Variants in SCART1 observed in about 807,000 individuals in gnomAD.
The protein encoded by SCART1 is scavenger receptor family member expressed on T cells 1.
SCART1 carries 62 observed loss-of-function variants against 36.2 expected under a neutral mutation model. The observed-to-expected ratio is 1.71, with a 90% confidence interval of 1.40 to 2.12. SCART1 has a LOEUF of 2.12. Ranked by LOEUF, SCART1 falls within the 30% of genes most tolerant of loss-of-function variation. The pLI, the probability that SCART1 is intolerant of heterozygous loss-of-function variation, is 0.00. For missense variants in SCART1, 1,041 were observed against 540.5 expected (o/e 1.93, Z -9.18); for synonymous variants, 487 against 238.7 (o/e 2.04, Z -9.59).
At chr10:133,460,125 C>T (rs1850679796) in exon 6 of SCART1, 1 of 516,248 alleles carries the variant, frequency 1.9e-6, no homozygotes, top group Non-Finnish European at 3.4e-6. Flanking sequence ...GGGCTGGGGG[C>T]GGCACGACTG....
chr10:133,457,073 A>T, intron 2 of SCART1: 1 of 578,580 alleles, frequency 1.7e-6, no homozygotes, highest in South Asian at 2.3e-5. Flanking sequence ...CCTGCGGGGA[A>T]CCTTGTTTCA....
At chr10:133,454,986 AG>A (rs1850590367) in intron 1 of SCART1, among the ~76,000 whole-genome samples, 1 of 152,150 alleles carries the variant, frequency 6.6e-6, no homozygotes, top group Non-Finnish European at 1.5e-5. Context: ...AGCTATTCAT[AG>A]CGGGCGTGGT....
Position 133,454,070 on chromosome 10 carries a change from T to C in SCART1, c.67+6T>C, listed in dbSNP as rs1850579878. 1.4e-6 allele frequency: 1 copy of C among 702,704 alleles called. No individual in the cohort carries two copies. Among genetic ancestry groups the C allele is most frequent in the Non-Finnish European group, 2.6e-6 (1 of 384,976 alleles). 43.5% of individuals were successfully genotyped at this position (702,704 alleles called of 1,614,324 possible). ...TCTCTGGGCAGTCCCCATTGGTAAG[T>C]TTCTGCTTCCTTCATCCATGGAACT... On this transcript the variant is annotated splice_donor_region_variant and intron_variant, in intron 1 of 11. Coordinates refer to ENST00000640237, the Ensembl canonical transcript of SCART1.
chr10:133,469,716 C>A (rs935356019), downstream of SCART1, among the ~76,000 whole-genome samples: 2 of 152,090 alleles, frequency 1.3e-5, no homozygotes, highest in Admixed American at 1.3e-4. Flanking sequence ...ACATTCTGCA[C>A]AGGTACCCCA....
intron 6 of SCART1, among the ~76,000 whole-genome samples, chr10:133,461,616 C>T (rs1414541573): frequency 2.0e-5 from 3 of 152,140 alleles, no homozygotes; most frequent in Non-Finnish European, 2.9e-5. Flanking sequence ...GTGTTTCTGT[C>T]GATTCTGCTC....
Position 133,455,771 on chromosome 10 carries a change from T to C in SCART1, c.68-466T>C, listed in dbSNP as rs550566819. On this transcript the variant is annotated intron_variant, in intron 1 of 11. Transcript: ENST00000640237. ...TAGTGGGAGGGCAGGCAGGGGTGGT[T>C]TTCCTGGATACTCAGGGTTGCAGAG... 1.8e-4 allele frequency among the ~76,000 whole-genome samples: 28 copies of C among 151,828 alleles called. 1 individual carries two copies. The highest frequency in any genetic ancestry group is 6.3e-4 in the African/African-American group (26 of 41,422).
chr10:133,459,952 C>T (rs1435251852), exon 6 of SCART1: 2 of 546,060 alleles, frequency 3.7e-6, no homozygotes, highest in Non-Finnish European at 6.4e-6. Flanking sequence ...TGTGACGATG[C>T]CTGGGACCTG....
chr10:133,457,383 G>T (rs1382590734), exon 3 of SCART1: 1 of 702,012 alleles, frequency 1.4e-6, no homozygotes, highest in Admixed American at 2.0e-5. Flanking sequence ...TGTCCTGCAT[G>T]TGGAGGAGGC....
In SCART1 at chr10:133,464,535, C is replaced by T. The variant is rs543442951; in HGVS notation, c.1970-71C>T. ...CAGTGCTGGGACCCCTTGAGCTTAGCCCCCTCCTTCTGAGACTGCCCATGG... is the reference window on the plus strand; with the variant it reads ...CAGTGCTGGGACCCCTTGAGCTTAGTCCCCTCCTTCTGAGACTGCCCATGG... On this transcript the variant is annotated intron_variant, in intron 6 of 11. Transcript: ENST00000640237. The T allele has an allele frequency of 6.5e-4, 392 of 607,526 alleles. 6 individuals carry two copies. The South Asian group carries it at 7.2e-3, about 11-fold the overall frequency. The allele number at this position is 607,526 out of a possible 1,614,324, so 37.6% of individuals were successfully genotyped here. A position where few individuals can be genotyped will look rare whatever the true frequency, so the allele number is the denominator to read the frequency against.
rs78992124 is a variant in SCART1 at position 133,459,035 on chromosome 10, A to G, written c.994A>G (p.Asn332Asp). Residue 332 changes from asparagine to aspartate, a missense_variant, in exon 5 of 12, where the codon AAC becomes GAC. By Grantham distance (23) the Asn-to-Asp change is conservative (BLOSUM62 1). Coordinates refer to ENST00000640237, the Ensembl canonical transcript of SCART1. Reference sequence around the variant, plus strand: ...CTCTCCCCCAGAGTTCAGGATGGTCAACGGCAGCAGCAGCTGTGAGGGCCG... The same window carrying G: ...CTCTCCCCCAGAGTTCAGGATGGTCGACGGCAGCAGCAGCTGTGAGGGCCG... 1.7e-3 allele frequency: 1,203 copies of G among 692,366 alleles called. 6 individuals are homozygous for G. The African/African-American group carries it at 0.019, about 11-fold the overall frequency. 42.9% of individuals were successfully genotyped at this position (692,366 alleles called of 1,614,324 possible).
chr10:133,459,430 G>A (rs1442986608), intron 5 of SCART1, 57 bp from the exon 6 acceptor site: 5 of 615,468 alleles, frequency 8.1e-6, no homozygotes, highest in Non-Finnish European at 1.5e-5. Flanking sequence ...CCTGCTGGGG[G>A]GTGGTCCTGG....
Position 133,458,664 on chromosome 10 carries a change from C to G in SCART1, c.979+8C>G, listed in dbSNP as rs1273136900. 5 of 700,440 alleles carry G rather than the reference C, an allele frequency of 7.1e-6. No individual in the cohort carries two copies. The Admixed American group carries it at 8.0e-5, about 11-fold the overall frequency. 43.4% of individuals were successfully genotyped at this position (700,440 alleles called of 1,614,324 possible). ...CGGGGCTCAGGTGCTCAGGTGAAGT[C>G]CTGTGTGTGGGCTCTGAAGGCTCAG... On this transcript the variant is annotated splice_region_variant and intron_variant, in intron 4 of 11. Transcript: ENST00000640237.
chr10:133,454,051 G>A lies in SCART1; in HGVS notation c.54G>A (p.Trp18Ter), dbSNP rs758861313. The A allele has an allele frequency of 4.3e-5, 30 of 702,832 alleles. No homozygotes were observed. The highest frequency in any genetic ancestry group is 6.2e-5 in the Non-Finnish European group (24 of 384,978). 43.5% of individuals were successfully genotyped at this position (702,832 alleles called of 1,614,324 possible). The change falls in exon 1 of 12, where the codon TGG becomes TGA. Residue 18 changes from tryptophan to a stop codon, truncating the protein, a stop_gained. Transcript: ENST00000640237. LOFTEE classifies it high-confidence loss of function. ...TCGGGCCCCTTCTTCTGAATCTCTG[G>A]GCAGTCCCCATTGGTAAGTTTCTGC...
intron 2 of SCART1, among the ~76,000 whole-genome samples, chr10:133,456,904 CAG>C (rs1850623440): frequency 6.6e-6 from 1 of 152,196 alleles, no homozygotes; most frequent in East Asian, 1.9e-4. Context: ...AGACAAATGA[CAG>C]ACAGGTACAC....
chr10:133,464,538 C>T (rs1850739713), intron 6 of SCART1, 68 bp from the exon 7 acceptor site: 1 of 607,896 alleles, frequency 1.6e-6, no homozygotes, highest in African/African-American at 1.8e-5. Flanking sequence ...AGCTTAGCCC[C>T]CTCCTTCTGA....
Position 133,457,893 on chromosome 10 carries a change from G to T in SCART1, c.682+318G>T, listed in dbSNP as rs546171691. The T allele has an allele frequency of 1.3e-4, 64 of 492,966 alleles. 1 individual carries two copies. The South Asian group carries it at 1.4e-3, about 11-fold the overall frequency. The allele number at this position is 492,966 out of a possible 1,614,324, so 30.5% of individuals were successfully genotyped here. ...TAACATGGATCGGGGTTGGGTAGAG[G>T]TCACTTCTTCCCAGCCCTGCCTCAA... On this transcript the variant is annotated intron_variant, in intron 3 of 11. Transcript: ENST00000640237.
chr10:133,456,261 C>A (rs780770414), exon 2 of SCART1: 1 of 702,610 alleles, frequency 1.4e-6, no homozygotes, highest in South Asian at 1.5e-5. Context: ...CTGAGGCTGG[C>A]GTACAGACAC....
intron 6 of SCART1, among the ~76,000 whole-genome samples, chr10:133,461,260 C>T (rs149215982): frequency 6.6e-6 from 1 of 150,698 alleles, no homozygotes; most frequent in African/African-American, 2.4e-5. Flanking sequence ...GGCTGCCCAT[C>T]TGACCTGCGG....
intron 1 of SCART1, 40 bp downstream of exon 1, chr10:133,454,104 GC>G: frequency 1.4e-6 from 1 of 702,458 alleles, no homozygotes; most frequent in South Asian, 1.5e-5. Context: ...CTTTCTGGAG[GC>G]ATCAGCTCTG....
Sources: gnomAD v4.1 joint callset for allele counts (sites outside exome capture counted in the v4.1 genomes callset) on GRCh38, gnomAD v4.1.1 for gene constraint, MANE v1.5 for transcripts, NCBI Gene and HGNC (gene_info 2026-07-23, HGNC 2026-07-21) for gene names.